The following MPDZ variants were observed in gnomAD, a reference collection of about 807,000 sequenced individuals.
The protein encoded by MPDZ is multiple PDZ domain protein.
Under a neutral mutation model 239.1 loss-of-function variants are expected in MPDZ, and 234 were observed. The ratio of observed to expected loss-of-function variants is 0.98; its 90% CI spans 0.88 to 1.09. The LOEUF (loss-of-function observed/expected upper bound fraction) is 1.09. MPDZ is among the 50% of genes least tolerant of loss of function. The pLI is 0.00. For synonymous variants in MPDZ, 1,048 were observed against 881.3 expected, an observed-to-expected ratio of 1.19 and a Z score of -3.35; for missense variants, 3,175 against 2,510.0, an observed-to-expected ratio of 1.26 and a Z score of -5.66.
At chr9:13,183,650 C>T (rs1953694680) in intron 18 of MPDZ, 65 bp from the exon 19 acceptor site, 3 of 1,522,412 alleles carry the variant, frequency 2.0e-6, no homozygotes, top group Non-Finnish European at 1.8e-6. Context: ...AAACAATCTC[C>T]ACTTGAGACT....
intron 3 of MPDZ, among the ~76,000 whole-genome samples, chr9:13,241,070 A>C (rs1006249178): frequency 6.6e-6 from 1 of 152,122 alleles, no homozygotes; most frequent in Non-Finnish European, 1.5e-5. Flanking sequence ...GTAAAACAAA[A>C]ATTTTAGTCC....
chr9:13,165,264 C>T (rs1178223374), intron 22 of MPDZ: 8 of 1,118,728 alleles, frequency 7.2e-6, no homozygotes, highest in Non-Finnish European at 1.0e-5. Flanking sequence ...AAATCTATAT[C>T]TGGATCTATT....
At chr9:13,125,447 A>AC in intron 34 of MPDZ, 57 bp from the exon 35 acceptor site, 2 of 1,460,612 alleles carry the variant, frequency 1.4e-6, no homozygotes, top group South Asian at 1.2e-5. Flanking sequence ...TAGTAGACAT[A>AC]CCAATGAGTC....
chr9:13,168,621 A>G (rs1234481297), intron 21 of MPDZ, 57 bp from the exon 22 acceptor site: 2 of 1,216,492 alleles, frequency 1.6e-6, no homozygotes, highest in Middle Eastern at 2.0e-4. Flanking sequence ...AATTCATTTT[A>G]ATTTGAATTT....
At chr9:13,165,629 T>C (rs1472415655) in intron 22 of MPDZ, 2 of 440,936 alleles carry the variant, frequency 4.5e-6, no homozygotes, top group African/African-American at 2.0e-5. Flanking sequence ...CATGAAAAAA[T>C]GTAACTGCAA....
chr9:13,212,905 C>A (rs1347459065), intron 10 of MPDZ, among the ~76,000 whole-genome samples: 1 of 151,010 alleles, frequency 6.6e-6, no homozygotes, highest in Non-Finnish European at 1.5e-5. Context: ...GAACAACTTA[C>A]AAAATCTGGC....
chr9:13,221,042 G>A (rs1000550680), intron 7 of MPDZ, among the ~76,000 whole-genome samples: 3 of 151,878 alleles, frequency 2.0e-5, no homozygotes, highest in African/African-American at 7.2e-5. Flanking sequence ...TAAAACAGCT[G>A]ACTAGGTATA....
At chr9:13,236,906 T>TAACC (rs1964201115) in intron 3 of MPDZ, among the ~76,000 whole-genome samples, 1 of 152,112 alleles carries the variant, frequency 6.6e-6, no homozygotes, top group South Asian at 2.1e-4. Context: ...AATAATGGGT[T>TAACC]ATTTTTTCAA....
At chr9:13,256,487 A>G (rs1428841418) in intron 1 of MPDZ, among the ~76,000 whole-genome samples, 1 of 152,214 alleles carries the variant, frequency 6.6e-6, no homozygotes, top group African/African-American at 2.4e-5. Context: ...GTTTAAAGTG[A>G]GAGGCATGCA....
chr9:13,137,250 T>G, intron 29 of MPDZ, among the ~76,000 whole-genome samples: 1 of 152,118 alleles, frequency 6.6e-6, no homozygotes, highest in East Asian at 1.9e-4. Flanking sequence ...GAAGAAATGC[T>G]AGGTAGATTC....
At chr9:13,234,637 G>C (rs1023358203) in intron 3 of MPDZ, among the ~76,000 whole-genome samples, 2 of 152,050 alleles carry the variant, frequency 1.3e-5, no homozygotes, top group African/African-American at 4.8e-5. Context: ...AGGTTAGTAA[G>C]AAAAAATGAC....
At chr9:13,219,858 CAAT>C in intron 7 of MPDZ, 90 bp from the exon 8 acceptor site, 1 of 1,257,118 alleles carries the variant, frequency 8.0e-7, no homozygotes, top group Non-Finnish European at 1.1e-6. Context: ...TTTAGAAAAG[CAAT>C]AATATGAGTT....
intron 3 of MPDZ, 33 bp downstream of exon 3, chr9:13,247,602 C>A: frequency 6.3e-7 from 1 of 1,584,000 alleles, no homozygotes; most frequent in South Asian, 1.1e-5. Context: ...TATGCCATGT[C>A]GTGAATGCCT....
chr9:13,162,582 G>A, intron 23 of MPDZ, 109 bp downstream of exon 23: 1 of 489,900 alleles, frequency 2.0e-6, no homozygotes. Flanking sequence ...TCTTGAAAGA[G>A]GAAAAGGATT....
At chr9:13,163,493 C>G (rs771268918) in intron 22 of MPDZ, among the ~76,000 whole-genome samples, 5 of 152,196 alleles carry the variant, frequency 3.3e-5, no homozygotes, top group Non-Finnish European at 7.4e-5. Flanking sequence ...ATGCGGAAGA[C>G]ACTGTGCCAG....
chr9:13,112,981 GGT>G (rs1444318955), intron 42 of MPDZ, 28 bp downstream of exon 42: 1 of 1,559,632 alleles, frequency 6.4e-7, no homozygotes, highest in Non-Finnish European at 8.7e-7. Flanking sequence ...AAAACGCCAG[GGT>G]TTATATTGTT....
chr9:13,226,692 T>C (rs965104181), intron 3 of MPDZ, among the ~76,000 whole-genome samples: 8 of 152,088 alleles, frequency 5.3e-5, no homozygotes, highest in African/African-American at 1.9e-4. Context: ...TACCACCTGA[T>C]CCACACCCTG....
chr9:13,136,012 T>C lies in MPDZ; in HGVS notation c.4383+80A>G, dbSNP rs1476047930. Reference sequence around the variant, plus strand: ...TCTACCTCTAATATCCCTCTCTAAGTGTTATGTAATTGTTGATTGAATTAA... The same window carrying C: ...TCTACCTCTAATATCCCTCTCTAAGCGTTATGTAATTGTTGATTGAATTAA... On this transcript the variant is annotated intron_variant, in intron 31 of 46. Transcript: ENST00000319217. 1.3e-5 allele frequency: 12 copies of C among 925,756 alleles called. No homozygotes were observed. The East Asian group carries it at 1.6e-4, about 12-fold the overall frequency. 57.3% of individuals were successfully genotyped at this position (925,756 alleles called of 1,614,324 possible). A position where few individuals can be genotyped will look rare whatever the true frequency, so the allele number is the denominator to read the frequency against.
chr9:13,233,468 C>G (rs779884486), intron 3 of MPDZ, among the ~76,000 whole-genome samples: 5 of 151,954 alleles, frequency 3.3e-5, no homozygotes, highest in African/African-American at 4.8e-5. Flanking sequence ...TACTTATCTC[C>G]GAGATAAAGT....
Sources: allele counts gnomAD v4.1 joint callset (sites outside exome capture counted in the v4.1 genomes callset), GRCh38; gene constraint gnomAD v4.1.1; transcripts MANE v1.5; gene names NCBI Gene and HGNC (gene_info 2026-07-23, HGNC 2026-07-21).